The following AFF2 variants were observed in gnomAD, a reference collection of about 807,000 sequenced individuals.
The protein encoded by AFF2 is AF4/FMR2 family member 2.
AFF2 carries 14 observed loss-of-function variants against 76.9 expected under a neutral mutation model. That is an observed-to-expected ratio of 0.18 (90% confidence interval 0.12 to 0.28). The LOEUF is 0.28. Ranked by LOEUF, AFF2 falls within the 10% of genes least tolerant of loss-of-function variation. The probability of loss-of-function intolerance (pLI) is 1.00; values close to 1 mark genes in which losing one functional copy is unlikely to be tolerated. For synonymous variants in AFF2, 398 were observed against 366.7 expected, an observed-to-expected ratio of 1.09 and a Z score of -0.98; for missense variants, 868 against 1,001.1, an observed-to-expected ratio of 0.87 and a Z score of 1.79.
intron 1 of AFF2, among the ~76,000 whole-genome samples, chrX:148,557,861 A>G (rs781845219): frequency 7.1e-5 from 8 of 112,102 alleles, no homozygotes; most frequent in Non-Finnish European, 1.3e-4. Flanking sequence ...TGGTTTACCT[A>G]TGACTTTTTG....
Position 148,987,218 on chromosome X carries a change from C to G in AFF2, c.3624-149C>G, listed in dbSNP as rs1603353723. 5 of 488,175 alleles carry G rather than the reference C, an allele frequency of 1.0e-5. No homozygotes were observed. The South Asian group carries it at 1.9e-4, about 18-fold the overall frequency. 40.2% of individuals were successfully genotyped at this position (488,175 alleles called of 1,213,427 possible). On this transcript the variant is annotated intron_variant, in intron 19 of 20. Transcript: ENST00000370460. ...GTGGGATGTCAGAACAAGCTCCACT[C>G]TGATGGGGCTTCACATGTGTACGCT...
chrX:148,995,975 A>C lies in AFF2; in HGVS notation c.*4643A>C, dbSNP rs2072594114. ...ATAGTTTGTTCCTATTGGGGAACTC[A>C]TTGTTCTCCAGTCTCTGCAGCAGGA... On this transcript the variant is annotated 3_prime_UTR_variant, in exon 21 of 21. Coordinates refer to ENST00000370460, the MANE Select transcript of AFF2 (RefSeq NM_002025.4). The C allele has an allele frequency of 8.9e-6, 1 of 112,526 alleles. No individual in the cohort carries two copies. The highest frequency in any genetic ancestry group is 1.9e-5 in the Non-Finnish European group (1 of 53,260). 9.3% of individuals were successfully genotyped at this position (112,526 alleles called of 1,213,427 possible).
chrX:148,851,523 A>G (rs1340994069), intron 7 of AFF2, among the ~76,000 whole-genome samples: 1 of 111,502 alleles, frequency 9.0e-6, no homozygotes, highest in African/African-American at 3.3e-5. Flanking sequence ...CCCATAGTAT[A>G]CTGCCTTGTC....
chrX:148,906,983 A>G (rs2071414252), intron 9 of AFF2, among the ~76,000 whole-genome samples: 1 of 111,531 alleles, frequency 9.0e-6, no homozygotes, highest in Admixed American at 9.5e-5. Flanking sequence ...GTTCTCTTCC[A>G]TGACTCACAG....
chrX:148,915,091 C>A (rs1159407644), intron 9 of AFF2, among the ~76,000 whole-genome samples: 3 of 111,770 alleles, frequency 2.7e-5, no homozygotes, highest in Non-Finnish European at 3.8e-5. Flanking sequence ...TGGCCAGGGC[C>A]TCAAATAGGA....
intron 7 of AFF2, among the ~76,000 whole-genome samples, chrX:148,868,281 C>T (rs1166268101): frequency 1.8e-5 from 2 of 111,797 alleles, no homozygotes; most frequent in Admixed American, 9.5e-5. Context: ...AGCTCTTCTT[C>T]CCCCAAGGCC....
At chrX:148,773,698 G>GAAAGAAAGA (rs1480779692) in intron 3 of AFF2, among the ~76,000 whole-genome samples, 4 of 83,154 alleles carry the variant, frequency 4.8e-5, no homozygotes, top group African/African-American at 2.3e-4. Context: ...AAGAAAGAAA[G>GAAAGAAAGA]AAAGAAAGAA....
intron 1 of AFF2, among the ~76,000 whole-genome samples, chrX:148,582,965 C>T (rs2053429418): frequency 1.5e-5 from 1 of 66,045 alleles, no homozygotes; most frequent in Non-Finnish European, 3.1e-5. Context: ...ACTTGGACAA[C>T]CTTGAAAACA....
intron 3 of AFF2, among the ~76,000 whole-genome samples, chrX:148,781,416 C>G (rs781827170): frequency 7.1e-4 from 80 of 112,347 alleles, no homozygotes; most frequent in African/African-American, 2.3e-3. Context: ...TTTTAGAGAT[C>G]CCCTGCCCAG....
chrX:148,942,968 T>G (rs782578830), intron 9 of AFF2, among the ~76,000 whole-genome samples: 1 of 111,624 alleles, frequency 9.0e-6, no homozygotes, highest in Admixed American at 9.4e-5. Context: ...TTTCCAGTGG[T>G]GAGGAAGTGG....
chrX:148,800,081 G>A lies in AFF2; in HGVS notation c.1042-9795G>A, dbSNP rs5980591. 2.7e-3 allele frequency among the ~76,000 whole-genome samples: 297 copies of A among 112,005 alleles called. 1 individual carries two copies. Among genetic ancestry groups the A allele is most frequent in the African/African-American group, 9.3e-3 (287 of 30,918 alleles). Reference sequence around the variant, plus strand: ...ATGTGAACTTCCCTGAATATATTTAGCTGTGTCACTTGGCATTAATAGATA... The same window carrying A: ...ATGTGAACTTCCCTGAATATATTTAACTGTGTCACTTGGCATTAATAGATA... On this transcript the variant is annotated intron_variant, in intron 3 of 20. Transcript: ENST00000370460.
chrX:148,518,036 AAAAG>A (rs2052557007), intron 1 of AFF2, among the ~76,000 whole-genome samples: 1 of 110,905 alleles, frequency 9.0e-6, no homozygotes, highest in African/African-American at 3.3e-5. Context: ...AAAAAAAAAA[AAAAG>A]AAAATAATTT....
rs1420177106 is a variant in AFF2 at position 148,581,236 on chromosome X, ATACGTG to A, written c.48-70759_48-70754del. On this transcript the variant is annotated intron_variant, in intron 1 of 20. Coordinates refer to ENST00000370460, the MANE Select transcript of AFF2 (RefSeq NM_002025.4). ...ACACATATATAATATACGTATACGT[ATACGTG>A]TACACACATATACGTATACGTGTAC... Among the ~76,000 whole-genome samples the A allele has an allele frequency of 3.7e-4, 33 of 90,362 alleles. 1 individual carries two copies. Among genetic ancestry groups the A allele is most frequent in the African/African-American group, 9.6e-4 (22 of 23,013 alleles). The allele number at this position is 90,362 out of a possible 115,157, so 78.5% of individuals were successfully genotyped here.
intron 9 of AFF2, among the ~76,000 whole-genome samples, chrX:148,911,248 A>G (rs782535392): frequency 9.0e-6 from 1 of 110,996 alleles, no homozygotes; most frequent in African/African-American, 3.3e-5. Context: ...GAGTTTAAAA[A>G]AGATATCTTA....
At chrX:148,950,269 G>C (rs1376276902) in intron 9 of AFF2, among the ~76,000 whole-genome samples, 1 of 112,287 alleles carries the variant, frequency 8.9e-6, no homozygotes, top group Non-Finnish European at 1.9e-5. Flanking sequence ...CCCAGACTCA[G>C]ATGTAAAGCT....
chrX:148,980,703 T>A (rs1557290772), intron 18 of AFF2, 35 bp from the exon 19 acceptor site: 1 of 1,119,648 alleles, frequency 8.9e-7, no homozygotes, highest in East Asian at 3.1e-5. Context: ...AAAATAGATG[T>A]CCTTATTTCC....
chrX:148,968,335 C>T (rs1182924982), intron 15 of AFF2, among the ~76,000 whole-genome samples: 2 of 111,436 alleles, frequency 1.8e-5, no homozygotes, highest in African/African-American at 6.5e-5. Flanking sequence ...TGGGTCTCAA[C>T]CACACATCAC....
chrX:148,879,677 A>G (rs917284580), intron 7 of AFF2, among the ~76,000 whole-genome samples: 4 of 111,807 alleles, frequency 3.6e-5, no homozygotes, highest in Admixed American at 1.9e-4. Flanking sequence ...CTGTAGTCCA[A>G]TAACACTTTA....
chrX:148,500,637 TGCCGCCGCC>T lies in AFF2; in HGVS notation c.-422_-414del, dbSNP rs193922937. On this transcript the variant is annotated 5_prime_UTR_variant, in exon 1 of 21. Coordinates refer to ENST00000370460, the MANE Select transcript of AFF2 (RefSeq NM_002025.4). ...CCGCCGCCGCCGCCTGTGCAGCCGC[TGCCGCCGCC>T]GCCGCCGCCGCCGCCGCCGCCGCCG... The T allele has an allele frequency of 0.011, 843 of 73,732 alleles. 10 individuals are homozygous for T. The highest frequency in any genetic ancestry group is 0.014 in the Non-Finnish European group (531 of 38,072). 6.1% of individuals were successfully genotyped at this position (73,732 alleles called of 1,213,427 possible).
Sources: gnomAD v4.1 joint callset for allele counts (sites outside exome capture counted in the v4.1 genomes callset) on GRCh38, gnomAD v4.1.1 for gene constraint, MANE v1.5 for transcripts, NCBI Gene and HGNC (gene_info 2026-07-23, HGNC 2026-07-21) for gene names.